RORB: variants seen among roughly 807,000 people sequenced by gnomAD.
RORB encodes nuclear receptor ROR-beta.
In RORB, 6 loss-of-function variants were observed where a neutral mutation model predicts 59.1. That is an observed-to-expected ratio of 0.10 (90% CI 0.06 to 0.20). The LOEUF (loss-of-function observed/expected upper bound fraction) is 0.20, where lower values mean the gene tolerates loss of function less well. Ranked by LOEUF, RORB falls within the 10% of genes least tolerant of loss-of-function variation. The pLI is 1.00. For synonymous variants in RORB, 215 were observed against 204.5 expected (o/e 1.05, Z -0.44); for missense variants, 320 against 560.5 (o/e 0.57, Z 4.33).
At position 74,642,586 on chromosome 9, in the gene RORB, G is replaced by C; in HGVS notation, c.408G>C (p.Glu136Asp). The stretch of plus-strand genomic sequence containing the variant: ...ACGGCCTGAGCAACCTGAACAACGA[G>C]ACCAGCGGCACTTATGCCAACGGGC... ...ISNGLSNLNNETSGTYANGHV... is the reference protein window; with the variant it reads ...ISNGLSNLNNDTSGTYANGHV... Residue 136 changes from glutamate to aspartate, a missense_variant, in exon 4 of 10, where the codon GAG (glutamate) becomes GAC (aspartate). Physicochemically the swap from Glu to Asp is conservative, Grantham distance 45. Transcript: ENST00000376896. The C allele has an allele frequency of 6.2e-7, 1 of 1,614,206 alleles. No homozygotes were observed. The highest frequency in any genetic ancestry group is 8.5e-7 in the Non-Finnish European group (1 of 1,180,030).
chr9:74,616,759 A>G (rs1207419660), intron 1 of RORB, among the ~76,000 whole-genome samples: 1 of 152,156 alleles, frequency 6.6e-6, no homozygotes, highest in Non-Finnish European at 1.5e-5. Flanking sequence ...TTTTGTGTTT[A>G]AAAAACATGA....
rs190741243 is a variant in RORB at position 74,671,098 on chromosome 9, G to A, written c.1112-691G>A. On this transcript the variant is annotated intron_variant, in intron 8 of 9. Coordinates refer to ENST00000376896, the MANE Select transcript of RORB (RefSeq NM_006914.4). ...AAGGAAGGAAGGAGAGAGTGAAGGA[G>A]AGGGGATGGAGGGAAGGAAATAAGT... Among the ~76,000 whole-genome samples, 706 of 151,902 alleles carry A rather than the reference G, an allele frequency of 4.6e-3. 6 individuals are homozygous for A. Among genetic ancestry groups the A allele is most frequent in the African/African-American group, 0.016 (672 of 41,414 alleles).
chr9:74,608,418 G>A (rs897258134), intron 1 of RORB, among the ~76,000 whole-genome samples: 4 of 151,998 alleles, frequency 2.6e-5, no homozygotes, highest in Non-Finnish European at 5.9e-5. Context: ...AAAAAAATAA[G>A]CCGGGCGTGG....
At chr9:74,585,784 A>ATATTTATTTATT (rs60816499) in intron 1 of RORB, among the ~76,000 whole-genome samples, 34,861 of 144,916 alleles carry the variant, frequency 0.24, 5,011 homozygotes, top group Non-Finnish European at 0.3. Context: ...TTCACAGGGG[A>ATATTTATTTATT]TATTTATTTA....
At chr9:74,640,439 G>A (rs1304662628) in intron 3 of RORB, among the ~76,000 whole-genome samples, 3 of 151,662 alleles carry the variant, frequency 2.0e-5, no homozygotes, top group African/African-American at 2.4e-5. Context: ...AATTCTGTGT[G>A]TGTGTGTGTG....
At chr9:74,621,506 T>C (rs1468791536) in intron 1 of RORB, among the ~76,000 whole-genome samples, 2 of 152,216 alleles carry the variant, frequency 1.3e-5, no homozygotes, top group Non-Finnish European at 1.5e-5. Context: ...GACATCTTAA[T>C]TGTTTCCAGT....
intron 4 of RORB, among the ~76,000 whole-genome samples, chr9:74,660,049 G>A (rs149967310): frequency 2.6e-5 from 4 of 151,810 alleles, no homozygotes; most frequent in African/African-American, 9.7e-5. Flanking sequence ...TATTTACATT[G>A]CCCCAAAGTC....
chr9:74,605,884 A>G (rs1156274882), intron 1 of RORB, among the ~76,000 whole-genome samples: 3 of 152,136 alleles, frequency 2.0e-5, no homozygotes, highest in Non-Finnish European at 2.9e-5. Flanking sequence ...ACAGATTGCT[A>G]TCATGTTCAT....
chr9:74,569,300 C>CT (rs1448367966), intron 1 of RORB, among the ~76,000 whole-genome samples: 3 of 151,758 alleles, frequency 2.0e-5, no homozygotes, highest in Non-Finnish European at 2.9e-5. Flanking sequence ...ACATGAGATG[C>CT]TTTTTTTAAC....
At chr9:74,543,749 C>A (rs2118140935) in intron 1 of RORB, among the ~76,000 whole-genome samples, 1 of 150,814 alleles carries the variant, frequency 6.6e-6, no homozygotes, top group Non-Finnish European at 1.5e-5. Context: ...CTAATATAAT[C>A]CCCTTATCAA....
intron 1 of RORB, among the ~76,000 whole-genome samples, chr9:74,501,778 G>T (rs1230247138): frequency 6.6e-6 from 1 of 152,160 alleles, no homozygotes; most frequent in Admixed American, 6.5e-5. Flanking sequence ...TCTGGGATAG[G>T]TATTAGTACC....
intron 1 of RORB, among the ~76,000 whole-genome samples, chr9:74,532,782 G>GTA (rs1041182285): frequency 5.4e-4 from 77 of 142,792 alleles, no homozygotes; most frequent in African/African-American, 1.9e-3. Flanking sequence ...GTGTATGTGT[G>GTA]TATATATATA....
chr9:74,601,184 A>G (rs1823048369), intron 1 of RORB, among the ~76,000 whole-genome samples: 1 of 151,974 alleles, frequency 6.6e-6, no homozygotes, highest in Admixed American at 6.5e-5. Flanking sequence ...GTAAACAGAC[A>G]TGTGCAATTT....
chr9:74,574,907 A>T lies in RORB; in HGVS notation c.8-55375A>T, dbSNP rs193100490. Among the ~76,000 whole-genome samples, 180 of 152,268 alleles carry T rather than the reference A, an allele frequency of 1.2e-3. 1 individual carries two copies. The highest frequency in any genetic ancestry group is 3.8e-3 in the African/African-American group (156 of 41,570). Reference sequence around the variant, plus strand: ...AGAGCCTCTTCCTATCGTCAGTCCCAATCACACTGCTCAGTGGTAAGCTAA... The same window carrying T: ...AGAGCCTCTTCCTATCGTCAGTCCCTATCACACTGCTCAGTGGTAAGCTAA... On this transcript the variant is annotated intron_variant, in intron 1 of 9. Transcript: ENST00000376896.
chr9:74,516,121 T>A (rs1360469453), intron 1 of RORB, among the ~76,000 whole-genome samples: 2 of 152,100 alleles, frequency 1.3e-5, no homozygotes. Flanking sequence ...CTGCTTACGG[T>A]GCTACTTAAT....
chr9:74,633,649 T>TA (rs1470734252), intron 2 of RORB, among the ~76,000 whole-genome samples: 3 of 152,172 alleles, frequency 2.0e-5, no homozygotes, highest in Non-Finnish European at 2.9e-5. Flanking sequence ...TTTTCCCCAA[T>TA]AGAGTTTTCT....
chr9:74,615,251 A>T (rs1182943641), intron 1 of RORB, among the ~76,000 whole-genome samples: 1 of 152,210 alleles, frequency 6.6e-6, no homozygotes, highest in Non-Finnish European at 1.5e-5. Context: ...TTCCAAAAGG[A>T]TGAAAACAAA....
intron 8 of RORB, among the ~76,000 whole-genome samples, chr9:74,670,082 T>A (rs966807534): frequency 3.3e-5 from 5 of 151,934 alleles, no homozygotes; most frequent in African/African-American, 9.7e-5. Flanking sequence ...TTTTTTTTTT[T>A]AAACCCTAGA....
chr9:74,555,256 A>G (rs1330375870), intron 1 of RORB, among the ~76,000 whole-genome samples: 1 of 152,212 alleles, frequency 6.6e-6, no homozygotes, highest in Non-Finnish European at 1.5e-5. Flanking sequence ...GCTGTTCAGC[A>G]TAGCATATGA....
Sources: allele counts gnomAD v4.1 joint callset (sites outside exome capture counted in the v4.1 genomes callset), GRCh38; gene constraint gnomAD v4.1.1; transcripts MANE v1.5; gene names NCBI Gene and HGNC (gene_info 2026-07-23, HGNC 2026-07-21).